Variants in SLC1A2 observed in about 807,000 individuals in gnomAD.
The protein encoded by SLC1A2 is excitatory amino acid transporter 2.
A neutral mutation model predicts 48.8 loss-of-function variants in SLC1A2; 15 were observed. That is an observed-to-expected ratio of 0.31 (90% CI 0.21 to 0.47). The LOEUF is 0.47. SLC1A2 is among the 20% of genes least tolerant of loss of function. SLC1A2 has a pLI of 0.99. For synonymous variants in SLC1A2, 279 were observed against 272.6 expected (o/e 1.02, Z -0.23); for missense variants, 502 against 730.5 (o/e 0.69, Z 3.61).
chr11:35,312,000 G>T, intron 4 of SLC1A2, 198 bp downstream of exon 4: 59 of 320,440 alleles, frequency 1.8e-4, no homozygotes, highest in Middle Eastern at 1.2e-3. Context: ...AAAAAGGGAT[G>T]TTTAAAAAAA....
intron 1 of SLC1A2, among the ~76,000 whole-genome samples, chr11:35,338,291 G>C (rs1852707271): frequency 6.6e-6 from 1 of 152,052 alleles, no homozygotes; most frequent in Admixed American, 6.5e-5. Context: ...CCTTCTTTTA[G>C]ACCCTACATA....
At chr11:35,262,519 G>A (rs762126405) in intron 10 of SLC1A2, among the ~76,000 whole-genome samples, 4 of 152,190 alleles carry the variant, frequency 2.6e-5, no homozygotes, top group South Asian at 2.1e-4. Flanking sequence ...GGCAGCAAGC[G>A]CTGACATCTC....
chr11:35,407,156 G>A (rs1297592833), intron 1 of SLC1A2, among the ~76,000 whole-genome samples: 1 of 151,166 alleles, frequency 6.6e-6, no homozygotes, highest in Non-Finnish European at 1.5e-5. Context: ...TGAGGCTATA[G>A]AAGTAAGGAC....
chr11:35,408,339 G>A (rs551565479), intron 1 of SLC1A2, among the ~76,000 whole-genome samples: 2 of 152,256 alleles, frequency 1.3e-5, no homozygotes, highest in South Asian at 2.1e-4. Context: ...AACTTGAATT[G>A]TATCTCCCAG....
chr11:35,293,076 A>T (rs1851063670), intron 6 of SLC1A2, among the ~76,000 whole-genome samples: 1 of 152,206 alleles, frequency 6.6e-6, no homozygotes, highest in African/African-American at 2.4e-5. Flanking sequence ...TAAGTCTGAA[A>T]GTCTTTTTTC....
rs982911089 is a variant in SLC1A2, at chr11:35,360,056, C to T, written c.18-42540G>A. 10 of 984,614 alleles carry T rather than the reference C, an allele frequency of 1.0e-5. No individual in the cohort carries two copies. The African/African-American group carries it at 1.2e-4, about 12-fold the overall frequency. 61.0% of individuals were successfully genotyped at this position (984,614 alleles called of 1,614,324 possible). ...AAGATTTCTGACCTGACCATTCTCTCGGCTCCAGGAACGTGCTGGTCACGT... is the reference window on the plus strand; with the variant it reads ...AAGATTTCTGACCTGACCATTCTCTTGGCTCCAGGAACGTGCTGGTCACGT... On this transcript the variant is annotated intron_variant, in intron 1 of 10. Transcript: ENST00000278379.
rs753717657 is a variant in SLC1A2 at position 35,257,467 on chromosome 11, T to G, written c.*3427A>C. 1 of 152,212 alleles carries G rather than the reference T, an allele frequency of 6.6e-6. No homozygotes were observed. Among genetic ancestry groups the G allele is most frequent in the African/African-American group, 2.4e-5 (1 of 41,468 alleles). The allele number at this position is 152,212 out of a possible 1,614,324, so 9.4% of individuals were successfully genotyped here. ...TACACACTCAATAGGAAGTAAAAAC[T>G]GAAACTGATAGCTATGTGGTTCAGC... On this transcript the variant is annotated 3_prime_UTR_variant, in exon 11 of 11. Transcript: ENST00000278379.
intron 9 of SLC1A2, among the ~76,000 whole-genome samples, chr11:35,279,927 T>C (rs893624919): frequency 1.3e-4 from 20 of 152,246 alleles, no homozygotes; most frequent in African/African-American, 4.6e-4. Flanking sequence ...GGCCTCTCTC[T>C]ATCACTATGC....
chr11:35,376,482 T>A (rs754037989), intron 1 of SLC1A2, among the ~76,000 whole-genome samples: 1 of 152,220 alleles, frequency 6.6e-6, no homozygotes, highest in Non-Finnish European at 1.5e-5. Flanking sequence ...GGGAACTCTA[T>A]GTATTATTTT....
intron 10 of SLC1A2, among the ~76,000 whole-genome samples, chr11:35,263,217 G>A (rs1464687102): frequency 6.6e-6 from 1 of 152,144 alleles, no homozygotes; most frequent in Non-Finnish European, 1.5e-5. Context: ...TGTAATCCCA[G>A]CACCTTGGGA....
intron 1 of SLC1A2, among the ~76,000 whole-genome samples, chr11:35,352,625 C>A (rs1003304246): frequency 6.6e-6 from 1 of 152,216 alleles, no homozygotes; most frequent in African/African-American, 2.4e-5. Context: ...ACAATTTCTC[C>A]TCCTGATATT....
At chr11:35,286,585 C>G (rs574941218) in intron 8 of SLC1A2, 172 bp downstream of exon 8, 9 of 501,458 alleles carry the variant, frequency 1.8e-5, no homozygotes, top group Non-Finnish European at 2.9e-5. Flanking sequence ...TAAGAGTCTT[C>G]TTTCTTGTCA....
chr11:35,389,733 G>T (rs959816514), intron 1 of SLC1A2, among the ~76,000 whole-genome samples: 1 of 152,120 alleles, frequency 6.6e-6, no homozygotes. Flanking sequence ...GCCTCCCAAA[G>T]TGCTGAGATT....
chr11:35,302,738 AC>A (rs2134807214), intron 5 of SLC1A2, among the ~76,000 whole-genome samples: 1 of 151,546 alleles, frequency 6.6e-6, no homozygotes, highest in Non-Finnish European at 1.5e-5. Flanking sequence ...TCGGTACCTC[AC>A]GCTCAGGCCT....
chr11:35,326,370 C>T (rs1247288401), intron 1 of SLC1A2, among the ~76,000 whole-genome samples: 5 of 152,236 alleles, frequency 3.3e-5, no homozygotes, highest in Non-Finnish European at 5.9e-5. Context: ...ATTTGGCCCT[C>T]AGGCCTGGGA....
rs1950296972 is a variant in SLC1A2, at chr11:35,255,161, A to G, written c.*5733T>C. On this transcript the variant is annotated 3_prime_UTR_variant, in exon 11 of 11. Coordinates refer to ENST00000278379, the MANE Select transcript of SLC1A2 (RefSeq NM_004171.4). ...TGACAACAAAGGAGTTCACAACACAACAAATACCAACACTACTCTATTTAG... is the reference window on the plus strand; with the variant it reads ...TGACAACAAAGGAGTTCACAACACAGCAAATACCAACACTACTCTATTTAG... 1 of 243,538 alleles carries G rather than the reference A, an allele frequency of 4.1e-6. No homozygotes were observed. Among genetic ancestry groups the G allele is most frequent in the Admixed American group, 5.2e-5 (1 of 19,110 alleles). 15.1% of individuals were successfully genotyped at this position (243,538 alleles called of 1,614,324 possible).
Position 35,374,292 on chromosome 11 carries a change from G to A in SLC1A2, c.17+44658C>T, listed in dbSNP as rs572772978. 371 of 1,030,702 alleles carry A rather than the reference G, an allele frequency of 3.6e-4. 1 individual carries two copies. Among genetic ancestry groups the A allele is most frequent in the Admixed American group, 1.0e-3 (53 of 52,734 alleles). The allele number at this position is 1,030,702 out of a possible 1,614,324, so 63.8% of individuals were successfully genotyped here. A position where few individuals can be genotyped will look rare whatever the true frequency, so the allele number is the denominator to read the frequency against. ...GGAACTCTTAACATTCAGGGATGTG[G>A]CCACAGAATTCTCTCCAGAAGAGTG... On this transcript the variant is annotated intron_variant, in intron 1 of 10. Coordinates refer to ENST00000278379, the MANE Select transcript of SLC1A2 (RefSeq NM_004171.4).
intron 1 of SLC1A2, among the ~76,000 whole-genome samples, chr11:35,377,565 G>T (rs1291514630): frequency 2.0e-5 from 3 of 152,194 alleles, no homozygotes. Context: ...AAGTGGCTAT[G>T]TCAGAACTTA....
At chr11:35,402,271 G>A (rs1381288697) in intron 1 of SLC1A2, among the ~76,000 whole-genome samples, 1 of 152,130 alleles carries the variant, frequency 6.6e-6, no homozygotes, top group Non-Finnish European at 1.5e-5. Context: ...CAAATTCCAG[G>A]GAGGGGAGAG....
Sources: gnomAD v4.1 joint callset for allele counts (sites outside exome capture counted in the v4.1 genomes callset) on GRCh38, gnomAD v4.1.1 for gene constraint, MANE v1.5 for transcripts, NCBI Gene and HGNC (gene_info 2026-07-23, HGNC 2026-07-21) for gene names.